Variants in USH2A observed in about 807,000 individuals in gnomAD.
The protein encoded by USH2A is Usher syndrome 2A (autosomal recessive, mild).
In USH2A, 443 loss-of-function variants were observed where a neutral mutation model predicts 538.9. That is an observed-to-expected ratio of 0.82 (90% CI 0.76 to 0.89). The LOEUF (loss-of-function observed/expected upper bound fraction) is 0.89. Ranked by LOEUF, USH2A falls within the 40% of genes least tolerant of loss-of-function variation. The probability of loss-of-function intolerance (pLI) is 0.00; values close to 1 mark genes in which losing one functional copy is unlikely to be tolerated. For synonymous variants in USH2A, 2,413 were observed against 2,273.5 expected (o/e 1.06, Z -1.75); for missense variants, 6,633 against 6,324.8 (o/e 1.05, Z -1.65).
At chr1:215,646,774 G>C (rs1484794120) in intron 67 of USH2A, among the ~76,000 whole-genome samples, 1 of 152,124 alleles carries the variant, frequency 6.6e-6, no homozygotes, top group African/African-American at 2.4e-5. Flanking sequence ...TGATTCACCC[G>C]CCTTGGCCTC....
intron 68 of USH2A, 34 bp downstream of exon 68, chr1:215,640,524 C>T (rs779002242): frequency 2.2e-5 from 35 of 1,612,528 alleles, no homozygotes; most frequent in South Asian, 5.5e-5. Flanking sequence ...AACAGAGCGC[C>T]TTCCACACTG....
At chr1:215,793,157 T>C (rs1662029810) in intron 50 of USH2A, among the ~76,000 whole-genome samples, 2 of 152,172 alleles carry the variant, frequency 1.3e-5, no homozygotes, top group African/African-American at 4.8e-5. Flanking sequence ...AAGAAAAGCA[T>C]TTATAAGCAT....
Position 216,073,182 on chromosome 1 carries a change from A to T in USH2A, c.5691T>A (p.Ala1897=). 1 of 1,613,868 alleles carries T rather than the reference A, an allele frequency of 6.2e-7. No individual in the cohort carries two copies. The change falls in exon 28 of 72, where the codon GCT becomes GCA. Residue 1897 remains alanine, a synonymous_variant. Transcript: ENST00000307340. ...TGGAGTCATTTCCCCTGCAGTTAAC[A>T]GCACTGTCAGTTGATAGGCATCCAT... The part of the protein sequence containing the change: ...NLDGCLSTDS[A]VNCRGNDSIL...
At chr1:216,087,045 T>G in intron 23 of USH2A, 1 of 485,252 alleles carries the variant, frequency 2.1e-6, no homozygotes. Flanking sequence ...TTCCTTTCTC[T>G]ACCCATAGGC....
In USH2A at chr1:215,759,799, C is replaced by T. The variant is rs1660925988; in HGVS notation, c.11092G>A (p.Val3698Met). Residue 3698 changes from valine (V) to methionine (M), a missense_variant, in exon 57 of 72, where the codon GTG (valine) becomes ATG (methionine). Physicochemically the swap from Val to Met is conservative, Grantham distance 21. Transcript: ENST00000307340. ...PRHIIINSTT[V>M]ELYWSLPEKP... ...TCTGGCAGACTCCAATATAATTCCA[C>T]TGTTGTAGAATTGATGATAATGTGT... The T allele has an allele frequency of 6.2e-7, 1 of 1,614,036 alleles. No homozygotes were observed. Among genetic ancestry groups the T allele is most frequent in the East Asian group, 2.2e-5 (1 of 44,874 alleles).
At chr1:216,298,843 C>CTT (rs10548505) in intron 9 of USH2A, among the ~76,000 whole-genome samples, 2 of 143,272 alleles carry the variant, frequency 1.4e-5, no homozygotes, top group African/African-American at 5.1e-5. Flanking sequence ...TAGGAGAATA[C>CTT]TTTTTTTTTT....
chr1:215,703,978 T>C (rs1450799766), intron 61 of USH2A, among the ~76,000 whole-genome samples: 2 of 152,182 alleles, frequency 1.3e-5, no homozygotes, highest in African/African-American at 2.4e-5. Flanking sequence ...GTCTGTGGGT[T>C]GTGACGACTG....
Position 215,674,722 on chromosome 1 carries a change from C to T in USH2A, c.13189G>A (p.Glu4397Lys). The change falls in exon 63 of 72, where the codon GAG becomes AAG. Residue 4397 changes from glutamate (E) to lysine (K), a missense_variant. Coordinates refer to ENST00000307340, the MANE Select transcript of USH2A (RefSeq NM_206933.4). Reference sequence around the variant, plus strand: ...CACAGGCCCTGGCCAGCAAGGGACTCTTTATTATCATATCTAACTAAATAT... The same window carrying T: ...CACAGGCCCTGGCCAGCAAGGGACTTTTTATTATCATATCTAACTAAATAT... ...TKYLVRYDNK[E>K]SLAGQGLCLL... 6.2e-7 allele frequency: 1 copy of T among 1,614,068 alleles called. No individual in the cohort carries two copies. The highest frequency in any genetic ancestry group is 8.5e-7 in the Non-Finnish European group (1 of 1,180,020).
In USH2A at chr1:216,171,460, A is replaced by T. The variant is rs183987572; in HGVS notation, c.4627+3792T>A. On this transcript the variant is annotated intron_variant, in intron 21 of 71. Transcript: ENST00000307340. ...ATATTGCATATTACTCATGCCCTAG[A>T]TATAACATTTGAGCAAACATATTTT... is the stretch of plus-strand genomic sequence containing the variant. 2.8e-3 allele frequency among the ~76,000 whole-genome samples: 429 copies of T among 152,200 alleles called. 3 individuals carry two copies. Among genetic ancestry groups the T allele is most frequent in the Middle Eastern group, 0.01 (3 of 294 alleles).
At chr1:216,158,828 G>C (rs301756) in intron 21 of USH2A, among the ~76,000 whole-genome samples, 136,671 of 152,210 alleles carry the variant, frequency 0.9, 61,623 homozygotes, top group East Asian at 0.98. Flanking sequence ...AATATTAAGT[G>C]TTTAGATCCA....
At chr1:216,242,577 T>C (rs1386111210) in intron 13 of USH2A, among the ~76,000 whole-genome samples, 2 of 151,964 alleles carry the variant, frequency 1.3e-5, no homozygotes, top group East Asian at 1.9e-4. Context: ...TTTTAGATAA[T>C]AATATAAAAA....
intron 9 of USH2A, among the ~76,000 whole-genome samples, chr1:216,304,866 G>A (rs1055483495): frequency 3.0e-5 from 4 of 132,708 alleles, no homozygotes; most frequent in African/African-American, 5.4e-5. Flanking sequence ...TTTATTTCAC[G>A]GTGGTCTGAG....
chr1:216,222,722 T>C (rs2035480749), intron 14 of USH2A, among the ~76,000 whole-genome samples: 1 of 152,182 alleles, frequency 6.6e-6, no homozygotes, highest in Admixed American at 6.5e-5. Context: ...CTCACGCCTG[T>C]AATCCCAGCA....
chr1:216,195,521 T>A (rs115344780), intron 19 of USH2A, among the ~76,000 whole-genome samples: 281 of 152,244 alleles, frequency 1.8e-3, no homozygotes, highest in African/African-American at 6.4e-3. Flanking sequence ...TGGGCAGAAC[T>A]TCAGGCAGTT....
At chr1:216,015,648 T>C (rs1469724155) in intron 32 of USH2A, among the ~76,000 whole-genome samples, 1 of 152,208 alleles carries the variant, frequency 6.6e-6, no homozygotes, top group Non-Finnish European at 1.5e-5. Context: ...TGTAAAAGCA[T>C]TCCTATTTCT....
At position 215,836,564 on chromosome 1, in the gene USH2A, TA is replaced by T. The variant is rs1455786857; in HGVS notation, c.9371+1426del. Among the ~76,000 whole-genome samples the T allele has an allele frequency of 3.5e-3, 105 of 30,110 alleles. 6 individuals are homozygous for T. Among genetic ancestry groups the T allele is most frequent in the East Asian group, 5.6e-3 (4 of 716 alleles). The allele number at this position is 30,110 out of a possible 152,430, so 19.8% of individuals were successfully genotyped here. A position where few individuals can be genotyped will look rare whatever the true frequency, so the allele number is the denominator to read the frequency against. ...TATAATATATATATATATATATATATATTTTTTTTTGAGACAGAGTATCACT... is the reference window on the plus strand; with the variant it reads ...TATAATATATATATATATATATATATTTTTTTTTTGAGACAGAGTATCACT... On this transcript the variant is annotated intron_variant, in intron 47 of 71. Transcript: ENST00000307340.
At chr1:215,832,344 C>G (rs572381301) in intron 47 of USH2A, among the ~76,000 whole-genome samples, 2 of 151,974 alleles carry the variant, frequency 1.3e-5, no homozygotes, top group East Asian at 3.9e-4. Context: ...AAATCAAACA[C>G]AGTCCAATAT....
intron 11 of USH2A, among the ~76,000 whole-genome samples, chr1:216,282,943 T>C (rs1042256289): frequency 1.3e-5 from 2 of 152,218 alleles, no homozygotes; most frequent in Non-Finnish European, 2.9e-5. Context: ...CTAAATGTTT[T>C]TCTAAATATT....
intron 9 of USH2A, among the ~76,000 whole-genome samples, chr1:216,314,184 G>C (rs1281018319): frequency 6.6e-6 from 1 of 151,900 alleles, no homozygotes; most frequent in Non-Finnish European, 1.5e-5. Context: ...TCTTCTGTAA[G>C]GCTGTCTTAA....
Sources: allele counts gnomAD v4.1 joint callset (sites outside exome capture counted in the v4.1 genomes callset), GRCh38; gene constraint gnomAD v4.1.1; transcripts MANE v1.5; gene names NCBI Gene and HGNC (gene_info 2026-07-23, HGNC 2026-07-21).